The following TESC variants were observed in gnomAD, a reference collection of about 807,000 sequenced individuals.
The protein encoded by TESC is tescalcin.
In TESC, 19 loss-of-function variants were observed where a neutral mutation model predicts 31.0. The observed-to-expected ratio is 0.61, with a 90% confidence interval of 0.43 to 0.90. TESC has a LOEUF of 0.90. Ranked by LOEUF, TESC falls within the 40% of genes least tolerant of loss-of-function variation. The pLI, the probability that TESC is intolerant of heterozygous loss-of-function variation, is 0.00. For missense variants in TESC, 248 were observed against 303.8 expected, an observed-to-expected ratio of 0.82 and a Z score of 1.36; for synonymous variants, 109 against 114.8, an observed-to-expected ratio of 0.95 and a Z score of 0.32.
intron 2 of TESC, 122 bp downstream of exon 2, chr12:117,075,149 A>C (rs1593014353): frequency 1.9e-6 from 2 of 1,075,458 alleles, no homozygotes; most frequent in African/African-American, 3.2e-5. Context: ...CCATCTCCAA[A>C]ATAAATAAAA....
intron 1 of TESC, among the ~76,000 whole-genome samples, chr12:117,080,676 A>G (rs1955133514): frequency 6.6e-6 from 1 of 152,188 alleles, no homozygotes; most frequent in Non-Finnish European, 1.5e-5. Flanking sequence ...ACTGACTTTC[A>G]GAACACCCCA....
At chr12:117,097,796 G>A (rs1410408575) in intron 1 of TESC, among the ~76,000 whole-genome samples, 1 of 151,974 alleles carries the variant, frequency 6.6e-6, no homozygotes, top group East Asian at 1.9e-4. Context: ...GATTCTTCCA[G>A]TCTGCAAATA....
intron 3 of TESC, among the ~76,000 whole-genome samples, chr12:117,053,397 G>A (rs1001051607): frequency 1.3e-5 from 2 of 152,166 alleles, no homozygotes; most frequent in Non-Finnish European, 2.9e-5. Context: ...TGGCAGGTGT[G>A]TGCATTCCAC....
At chr12:117,090,422 G>A (rs1955291005) in intron 1 of TESC, among the ~76,000 whole-genome samples, 1 of 152,232 alleles carries the variant, frequency 6.6e-6, no homozygotes, top group Admixed American at 6.5e-5. Flanking sequence ...TTTAAAAGGA[G>A]ATACATAGCC....
chr12:117,063,989 T>G (rs758825444), intron 2 of TESC, among the ~76,000 whole-genome samples: 7 of 152,156 alleles, frequency 4.6e-5, no homozygotes, highest in Non-Finnish European at 8.8e-5. Context: ...CAGTAGTGCA[T>G]TCATGGCTCA....
At chr12:117,069,070 T>C (rs1475397972) in intron 2 of TESC, among the ~76,000 whole-genome samples, 1 of 152,132 alleles carries the variant, frequency 6.6e-6, no homozygotes, top group Non-Finnish European at 1.5e-5. Flanking sequence ...AGGTGGCTAA[T>C]GAACGTGTTA....
chr12:117,089,817 G>A (rs1269329707), intron 1 of TESC, among the ~76,000 whole-genome samples: 1 of 151,904 alleles, frequency 6.6e-6, no homozygotes, highest in Non-Finnish European at 1.5e-5. Context: ...AAAGAGAAAG[G>A]GGAGAGATAA....
chr12:117,088,451 C>A (rs901386095), intron 1 of TESC, among the ~76,000 whole-genome samples: 2 of 152,146 alleles, frequency 1.3e-5, no homozygotes, highest in Non-Finnish European at 2.9e-5. Context: ...GAGACTGAGG[C>A]GGGTGCATCA....
intron 1 of TESC, among the ~76,000 whole-genome samples, chr12:117,080,672 TTTCA>T (rs1212551127): frequency 6.6e-6 from 1 of 152,196 alleles, no homozygotes; most frequent in African/African-American, 2.4e-5. Flanking sequence ...AGGAACTGAC[TTTCA>T]GAACACCCCA....
intron 2 of TESC, among the ~76,000 whole-genome samples, chr12:117,057,729 T>C (rs767826825): frequency 1.3e-5 from 2 of 152,148 alleles, no homozygotes; most frequent in African/African-American, 2.4e-5. Flanking sequence ...CAACTCATAA[T>C]TGGAGAAATA....
intron 2 of TESC, among the ~76,000 whole-genome samples, chr12:117,073,265 G>T (rs10744889): frequency 6.6e-6 from 1 of 152,008 alleles, no homozygotes; most frequent in Non-Finnish European, 1.5e-5. Flanking sequence ...TGGCCATGGC[G>T]ATTGGCTCAG....
At chr12:117,099,022 G>A (rs1593033696) in intron 1 of TESC, among the ~76,000 whole-genome samples, 1 of 152,150 alleles carries the variant, frequency 6.6e-6, no homozygotes, top group Non-Finnish European at 1.5e-5. Flanking sequence ...GAGCGGCTGC[G>A]GCACTGAGCA....
chr12:117,044,620 C>T (rs1288056401), intron 6 of TESC, among the ~76,000 whole-genome samples: 5 of 152,132 alleles, frequency 3.3e-5, no homozygotes, highest in East Asian at 1.9e-4. Flanking sequence ...ATCCACAGGC[C>T]GGCGCGACGG....
intron 2 of TESC, among the ~76,000 whole-genome samples, chr12:117,067,387 G>T (rs1235768557): frequency 6.6e-6 from 1 of 152,102 alleles, no homozygotes; most frequent in Non-Finnish European, 1.5e-5. Context: ...AACCTAGCAA[G>T]ACTCGCATCT....
chr12:117,099,299 GC>G lies in TESC; in HGVS notation c.-18del, dbSNP rs1306756259. The G allele has an allele frequency of 2.8e-6, 4 of 1,425,724 alleles. No homozygotes were observed. Among genetic ancestry groups the G allele is most frequent in the South Asian group, 1.4e-5 (1 of 70,972 alleles). 88.3% of individuals were successfully genotyped at this position (1,425,724 alleles called of 1,614,324 possible). ...AGCGCCCATGGTGCCCGCGGCGGGG[GC>G]CCCGGGGCGCGCGTCCCTCTCAGGC... is the stretch of plus-strand genomic sequence containing the variant. On this transcript the variant is annotated 5_prime_UTR_variant, in exon 1 of 8. Coordinates refer to ENST00000335209, the MANE Select transcript of TESC (RefSeq NM_017899.4).
At chr12:117,061,825 G>C (rs1012002407) in intron 2 of TESC, among the ~76,000 whole-genome samples, 1 of 152,134 alleles carries the variant, frequency 6.6e-6, no homozygotes, top group African/African-American at 2.4e-5. Context: ...GGTGGGGAGA[G>C]GGGTGCTGGC....
rs1022458326 is a variant in TESC, at chr12:117,041,882, C to T, written c.567+65G>A. ...CTGCAGGTAAAGAGCCATGTCCCCT[C>T]CTGACCAGTGGGCCACACGAGGTCT... On this transcript the variant is annotated intron_variant, in intron 7 of 7. Transcript: ENST00000335209. The T allele has an allele frequency of 1.5e-5, 23 of 1,508,374 alleles. No individual in the cohort carries two copies. In the African/African-American group the frequency reaches 3.2e-4, roughly 21 times the overall value. 93.4% of individuals were successfully genotyped at this position (1,508,374 alleles called of 1,614,324 possible). A position where few individuals can be genotyped will look rare whatever the true frequency, so the allele number is the denominator to read the frequency against.
chr12:117,046,386 C>A, intron 6 of TESC, 173 bp downstream of exon 6: 1 of 648,792 alleles, frequency 1.5e-6, no homozygotes, highest in Non-Finnish European at 2.6e-6. Context: ...GGGACTTGGA[C>A]CTTCAGTCTC....
At chr12:117,098,147 G>C (rs991114106) in intron 1 of TESC, among the ~76,000 whole-genome samples, 1 of 152,216 alleles carries the variant, frequency 6.6e-6, no homozygotes, top group Non-Finnish European at 1.5e-5. Flanking sequence ...ACCCTCTCTT[G>C]GTGATCAATA....
Sources: allele counts gnomAD v4.1 joint callset (sites outside exome capture counted in the v4.1 genomes callset), GRCh38; gene constraint gnomAD v4.1.1; transcripts MANE v1.5; gene names NCBI Gene and HGNC (gene_info 2026-07-23, HGNC 2026-07-21).